The following DLG2 variants were observed in gnomAD, a reference collection of about 807,000 sequenced individuals.
DLG2 encodes the protein discs large MAGUK scaffold protein 2.
DLG2 carries 45 observed loss-of-function variants against 132.5 expected under a neutral mutation model. The ratio of observed to expected loss-of-function variants is 0.34; its 90% CI spans 0.27 to 0.44. The LOEUF (loss-of-function observed/expected upper bound fraction) is 0.44. DLG2 is among the 20% of genes least tolerant of loss of function. The pLI, the probability that DLG2 is intolerant of heterozygous loss-of-function variation, is 1.00. For synonymous variants in DLG2, 424 were observed against 419.6 expected (o/e 1.01, Z -0.13); for missense variants, 1,045 against 1,196.9 (o/e 0.87, Z 1.87).
chr11:84,456,673 G>C (rs937817900), intron 7 of DLG2, among the ~76,000 whole-genome samples: 2 of 151,340 alleles, frequency 1.3e-5, no homozygotes, highest in East Asian at 3.9e-4. Context: ...CATTTTCAAT[G>C]AATCTGTTCC....
chr11:84,082,025 T>A (rs1044611794), intron 10 of DLG2, among the ~76,000 whole-genome samples: 2 of 152,192 alleles, frequency 1.3e-5, no homozygotes, highest in African/African-American at 4.8e-5. Flanking sequence ...CTAACTGGTG[T>A]GAGATGGTAT....
intron 3 of DLG2, among the ~76,000 whole-genome samples, chr11:85,484,859 C>T (rs1411526747): frequency 6.6e-5 from 10 of 151,022 alleles, no homozygotes; most frequent in Non-Finnish European, 1.5e-4. Flanking sequence ...TGGGTATATA[C>T]CCAAAGGATT....
chr11:85,178,721 C>A (rs1259446924), intron 4 of DLG2, among the ~76,000 whole-genome samples: 4 of 151,826 alleles, frequency 2.6e-5, no homozygotes, highest in African/African-American at 9.7e-5. Flanking sequence ...AAAAAATAGT[C>A]ATTGCAACAA....
At chr11:83,624,067 G>A (rs1294795925) in intron 19 of DLG2, among the ~76,000 whole-genome samples, 1 of 152,238 alleles carries the variant, frequency 6.6e-6, no homozygotes, top group Non-Finnish European at 1.5e-5. Context: ...TTGTAGGAAT[G>A]ATCTGTGGGC....
At chr11:84,253,047 C>A (rs2097409898) in intron 7 of DLG2, among the ~76,000 whole-genome samples, 1 of 152,066 alleles carries the variant, frequency 6.6e-6, no homozygotes, top group Admixed American at 6.5e-5. Flanking sequence ...GAAAACATAA[C>A]CTTGGCATAC....
intron 7 of DLG2, among the ~76,000 whole-genome samples, chr11:84,481,458 T>C (rs2099137470): frequency 6.6e-6 from 1 of 152,122 alleles, no homozygotes; most frequent in South Asian, 2.1e-4. Context: ...ACCTGTAAAA[T>C]GAGAAAATAG....
chr11:84,328,160 T>C (rs2154399957), intron 7 of DLG2, among the ~76,000 whole-genome samples: 1 of 152,120 alleles, frequency 6.6e-6, no homozygotes. Context: ...CTGCACTGTT[T>C]TATGAGGGAG....
At chr11:85,457,899 T>C (rs985346975) in intron 3 of DLG2, among the ~76,000 whole-genome samples, 2 of 152,192 alleles carry the variant, frequency 1.3e-5, no homozygotes, top group African/African-American at 4.8e-5. Flanking sequence ...AAGAATCTGA[T>C]GATTATGTGT....
chr11:85,265,179 T>C (rs983216157), intron 4 of DLG2, among the ~76,000 whole-genome samples: 1 of 152,216 alleles, frequency 6.6e-6, no homozygotes, highest in African/African-American at 2.4e-5. Flanking sequence ...GCACTATCTA[T>C]ATTATGACAT....
At chr11:84,241,440 A>C (rs559430706) in intron 8 of DLG2, among the ~76,000 whole-genome samples, 1 of 152,204 alleles carries the variant, frequency 6.6e-6, no homozygotes, top group Non-Finnish European at 1.5e-5. Flanking sequence ...GCATAATTTA[A>C]GCTGAACCCT....
intron 8 of DLG2, among the ~76,000 whole-genome samples, chr11:84,165,506 T>C (rs1235219180): frequency 6.6e-6 from 1 of 152,224 alleles, no homozygotes; most frequent in Non-Finnish European, 1.5e-5. Flanking sequence ...GTCTTTCATT[T>C]TCAACTCAAG....
intron 3 of DLG2, among the ~76,000 whole-genome samples, chr11:85,408,916 A>G (rs2089049985): frequency 6.6e-6 from 1 of 151,940 alleles, no homozygotes; most frequent in African/African-American, 2.4e-5. Flanking sequence ...ATACCCAGTA[A>G]TGGGATGGCT....
chr11:83,610,476 G>C (rs1355440685), intron 19 of DLG2, among the ~76,000 whole-genome samples: 1 of 152,174 alleles, frequency 6.6e-6, no homozygotes, highest in East Asian at 1.9e-4. Context: ...GATTTGACGA[G>C]AAGTAAACAA....
chr11:85,346,730 C>T (rs1335923618), intron 3 of DLG2, among the ~76,000 whole-genome samples: 6 of 152,038 alleles, frequency 3.9e-5, no homozygotes, highest in African/African-American at 1.5e-4. Context: ...AAAATGGAGT[C>T]GCTTTGGTTC....
chr11:84,575,604 C>A (rs1476170099), intron 6 of DLG2, among the ~76,000 whole-genome samples: 1 of 152,166 alleles, frequency 6.6e-6, no homozygotes, highest in Non-Finnish European at 1.5e-5. Flanking sequence ...ATTTTTGATA[C>A]AGGCATGCAA....
chr11:84,909,142 G>C (rs1219979620), intron 6 of DLG2, among the ~76,000 whole-genome samples: 3 of 152,068 alleles, frequency 2.0e-5, no homozygotes, highest in Non-Finnish European at 2.9e-5. Context: ...TAACCAGCCT[G>C]AGCTAAATCT....
intron 6 of DLG2, among the ~76,000 whole-genome samples, chr11:84,990,085 T>C (rs1024538098): frequency 6.6e-6 from 1 of 152,052 alleles, no homozygotes; most frequent in Non-Finnish European, 1.5e-5. Context: ...AGGACAAGAG[T>C]ACGAATTATA....
At chr11:85,136,493 C>T (rs1423077263) in intron 5 of DLG2, among the ~76,000 whole-genome samples, 2 of 151,422 alleles carry the variant, frequency 1.3e-5, no homozygotes, top group African/African-American at 4.9e-5. Context: ...TTTTTTTTAA[C>T]AGACACAGTG....
At chr11:84,115,406 G>T (rs1168869694) in intron 9 of DLG2, among the ~76,000 whole-genome samples, 2 of 152,156 alleles carry the variant, frequency 1.3e-5, no homozygotes, top group African/African-American at 4.8e-5. Flanking sequence ...TGGATTGTGT[G>T]CACTCCATTC....
Sources: allele counts gnomAD v4.1 joint callset (sites outside exome capture counted in the v4.1 genomes callset), GRCh38; gene constraint gnomAD v4.1.1; transcripts MANE v1.5; gene names NCBI Gene and HGNC (gene_info 2026-07-23, HGNC 2026-07-21).